Variants in CNKSR3 observed in about 807,000 individuals in gnomAD.
CNKSR3 encodes the protein CNKSR family member 3.
In CNKSR3, 36 loss-of-function variants were observed where a neutral mutation model predicts 67.7. The observed-to-expected ratio is 0.53, with a 90% CI of 0.41 to 0.70. The LOEUF is 0.70. Ranked by LOEUF, CNKSR3 falls within the 30% of genes least tolerant of loss-of-function variation. The pLI is 0.00. For synonymous variants in CNKSR3, 281 were observed against 271.4 expected, an observed-to-expected ratio of 1.04 and a Z score of -0.35; for missense variants, 630 against 695.2, an observed-to-expected ratio of 0.91 and a Z score of 1.05.
At chr6:154,483,375 A>C (rs1381404274) in intron 1 of CNKSR3, among the ~76,000 whole-genome samples, 8 of 152,180 alleles carry the variant, frequency 5.3e-5, no homozygotes, top group Non-Finnish European at 4.4e-5. Flanking sequence ...CAGTGCGAGT[A>C]CACCTAGTGA....
At chr6:154,421,244 C>A (rs566330785) in intron 9 of CNKSR3, among the ~76,000 whole-genome samples, 1 of 152,188 alleles carries the variant, frequency 6.6e-6, no homozygotes, top group Non-Finnish European at 1.5e-5. Flanking sequence ...AAACTCCTAA[C>A]CTCAAGTGAT....
rs1239183213 is a variant in CNKSR3 at position 154,414,219 on chromosome 6, C to T, written c.1070+80G>A. The T allele has an allele frequency of 1.0e-5, 15 of 1,452,818 alleles. No homozygotes were observed. In the African/African-American group the frequency reaches 2.0e-4, roughly 19 times the overall value. The allele number at this position is 1,452,818 out of a possible 1,614,324, so 90.0% of individuals were successfully genotyped here. ...ACTGTGGCTCAGCAACTTCCTCTCT[C>T]AAGATCCTCTTTTCACACCACCATT... is the stretch of plus-strand genomic sequence containing the variant. On this transcript the variant is annotated intron_variant, in intron 10 of 12. Transcript: ENST00000607772.
chr6:154,426,496 C>A (rs1024159551), intron 7 of CNKSR3, among the ~76,000 whole-genome samples: 3 of 152,038 alleles, frequency 2.0e-5, no homozygotes, highest in Non-Finnish European at 2.9e-5. Flanking sequence ...GCTGGGATTA[C>A]AGATGCGTGC....
At chr6:154,451,624 CACTT>C (rs1271291360) in intron 1 of CNKSR3, among the ~76,000 whole-genome samples, 2 of 152,328 alleles carry the variant, frequency 1.3e-5, no homozygotes, top group African/African-American at 4.8e-5. Flanking sequence ...AAAGGCCCAG[CACTT>C]ACTTTTTGTA....
In CNKSR3 at chr6:154,395,467, T is replaced by C. The variant is rs1784652065; in HGVS notation, c.*10887A>G. The C allele has an allele frequency of 6.6e-6, 1 of 152,208 alleles. No individual in the cohort carries two copies. Among genetic ancestry groups the C allele is most frequent in the Non-Finnish European group, 1.5e-5 (1 of 68,038 alleles). 9.4% of individuals were successfully genotyped at this position (152,208 alleles called of 1,614,324 possible). ...GTATCTCCTGCTACTTGTTATCTTTTTGCAGTGCAGGATGTGTGGGGGAGC... is the reference window on the plus strand; with the variant it reads ...GTATCTCCTGCTACTTGTTATCTTTCTGCAGTGCAGGATGTGTGGGGGAGC... On this transcript the variant is annotated 3_prime_UTR_variant, in exon 13 of 13. Transcript: ENST00000607772.
intron 9 of CNKSR3, among the ~76,000 whole-genome samples, chr6:154,422,166 G>A (rs1785159123): frequency 6.6e-6 from 1 of 151,874 alleles, no homozygotes; most frequent in Non-Finnish European, 1.5e-5. Context: ...CTAATTTTTT[G>A]TATTTTTAGT....
chr6:154,440,923 G>A (rs750362355), intron 4 of CNKSR3, among the ~76,000 whole-genome samples: 8 of 151,738 alleles, frequency 5.3e-5, no homozygotes, highest in Non-Finnish European at 1.0e-4. Context: ...AGAAAATTAA[G>A]AAGCAGATAT....
chr6:154,510,090 G>C lies in CNKSR3; in HGVS notation c.25C>G (p.Pro9Ala). Residue 9 changes from proline to alanine, a missense_variant, in exon 1 of 13, where the codon CCC (proline) becomes GCC (alanine). By Grantham distance (27) the Pro-to-Ala change is conservative. Transcript: ENST00000607772. MEPVTKWS[P>A]KQVVDWTRGL... ...CTAGTCCAGTCCACCACTTGTTTGGGGCTCCACTTGGTCACGGGTTCCATG... is the reference window on the plus strand; with the variant it reads ...CTAGTCCAGTCCACCACTTGTTTGGCGCTCCACTTGGTCACGGGTTCCATG... The C allele has an allele frequency of 1.2e-6, 2 of 1,614,034 alleles. No individual in the cohort carries two copies. The highest frequency in any genetic ancestry group is 1.7e-6 in the Non-Finnish European group (2 of 1,179,968).
intron 1 of CNKSR3, among the ~76,000 whole-genome samples, chr6:154,505,102 G>C (rs568729138): frequency 4.6e-5 from 7 of 151,610 alleles, no homozygotes; most frequent in African/African-American, 1.7e-4. Context: ...GACTAAAAGA[G>C]AAGGTATAAC....
intron 4 of CNKSR3, among the ~76,000 whole-genome samples, chr6:154,439,299 G>A (rs1182163633): frequency 6.6e-6 from 1 of 152,184 alleles, no homozygotes; most frequent in African/African-American, 2.4e-5. Context: ...TCCCAGGGCA[G>A]CAGACACAGA....
chr6:154,508,146 A>G (rs1353958484), intron 1 of CNKSR3, among the ~76,000 whole-genome samples: 1 of 152,252 alleles, frequency 6.6e-6, no homozygotes, highest in East Asian at 1.9e-4. Flanking sequence ...CAATAGAAAT[A>G]TAATGGAAGC....
chr6:154,486,172 C>A (rs1786661570), intron 1 of CNKSR3, among the ~76,000 whole-genome samples: 1 of 152,170 alleles, frequency 6.6e-6, no homozygotes, highest in South Asian at 2.1e-4. Flanking sequence ...TATCGCCAGC[C>A]CTCAGGTCTC....
Position 154,397,454 on chromosome 6 carries a change from A to G in CNKSR3, c.*8900T>C, listed in dbSNP as rs1178127394. The G allele has an allele frequency of 6.6e-6, 1 of 152,266 alleles. No homozygotes were observed. Among genetic ancestry groups the G allele is most frequent in the African/African-American group, 2.4e-5 (1 of 41,480 alleles). The allele number at this position is 152,266 out of a possible 1,614,324, so 9.4% of individuals were successfully genotyped here. The stretch of plus-strand genomic sequence containing the variant: ...AATTGCTCATCTGATCTGAATGCCC[A>G]TGACCAGCTCTTGTTTATCATTGGC... On this transcript the variant is annotated 3_prime_UTR_variant, in exon 13 of 13. Transcript: ENST00000607772.
rs1294189722 is a variant in CNKSR3 at position 154,406,182 on chromosome 6, T to A, written c.*172A>T. ...AGCACCTAAGATCCTCTGAATTTGT[T>A]CCCATCCAATCCTGCAAACTTCCAA... On this transcript the variant is annotated 3_prime_UTR_variant, in exon 13 of 13. Transcript: ENST00000607772. 1 of 632,920 alleles carries A rather than the reference T, an allele frequency of 1.6e-6. No homozygotes were observed. Among genetic ancestry groups the A allele is most frequent in the Non-Finnish European group, 2.7e-6 (1 of 367,998 alleles). 39.2% of individuals were successfully genotyped at this position (632,920 alleles called of 1,614,324 possible). A position where few individuals can be genotyped will look rare whatever the true frequency, so the allele number is the denominator to read the frequency against.
At chr6:154,424,397 G>A (rs1434407555) in intron 7 of CNKSR3, among the ~76,000 whole-genome samples, 7 of 152,074 alleles carry the variant, frequency 4.6e-5, no homozygotes, top group Non-Finnish European at 8.8e-5. Flanking sequence ...GATAAACCTT[G>A]GATTTCAAAT....
rs1485732531 is a variant in CNKSR3 at position 154,397,508 on chromosome 6, G to A, written c.*8846C>T. The A allele has an allele frequency of 1.3e-5, 2 of 152,184 alleles. No individual in the cohort carries two copies. The highest frequency in any genetic ancestry group is 1.9e-4 in the East Asian group (1 of 5,198). 9.4% of individuals were successfully genotyped at this position (152,184 alleles called of 1,614,324 possible). On this transcript the variant is annotated 3_prime_UTR_variant, in exon 13 of 13. Coordinates refer to ENST00000607772, the MANE Select transcript of CNKSR3 (RefSeq NM_173515.4). ...GCCATGAACACAAACAATATAAAAT[G>A]CCAATTTAACCAATCCACCATGCTT...
At chr6:154,499,926 A>G (rs1786948708) in intron 1 of CNKSR3, among the ~76,000 whole-genome samples, 1 of 152,230 alleles carries the variant, frequency 6.6e-6, no homozygotes, top group Non-Finnish European at 1.5e-5. Flanking sequence ...TCTTAATAGC[A>G]AAGAGTATTT....
At chr6:154,495,269 T>TA (rs1786854403) in intron 1 of CNKSR3, among the ~76,000 whole-genome samples, 1 of 152,106 alleles carries the variant, frequency 6.6e-6, no homozygotes, top group Admixed American at 6.6e-5. Context: ...ATGTATCATC[T>TA]ACAAACTAGA....
chr6:154,506,969 C>A (rs1787116588), intron 1 of CNKSR3, among the ~76,000 whole-genome samples: 1 of 152,184 alleles, frequency 6.6e-6, no homozygotes, highest in African/African-American at 2.4e-5. Flanking sequence ...GGAAGAAACT[C>A]CTGAGAAAAT....
Sources: gnomAD v4.1 joint callset for allele counts (sites outside exome capture counted in the v4.1 genomes callset) on GRCh38, gnomAD v4.1.1 for gene constraint, MANE v1.5 for transcripts, NCBI Gene and HGNC (gene_info 2026-07-23, HGNC 2026-07-21) for gene names.